FGF1: variants seen among roughly 807,000 people sequenced by gnomAD.
FGF1 encodes the protein fibroblast growth factor 1, also known as beta-endothelial cell growth factor.
Under a neutral mutation model 13.4 loss-of-function variants are expected in FGF1, and 9 were observed. That is an observed-to-expected ratio of 0.67 (90% confidence interval 0.40 to 1.17). The LOEUF (loss-of-function observed/expected upper bound fraction) is 1.17, where lower values mean the gene tolerates loss of function less well. Among genes scored for constraint, FGF1 ranks in the 50% most tolerant of loss-of-function variants. FGF1 has a pLI of 0.01. For missense variants in FGF1, 156 were observed against 192.7 expected, an observed-to-expected ratio of 0.81 and a Z score of 1.13; for synonymous variants, 93 against 79.0, an observed-to-expected ratio of 1.18 and a Z score of -0.94.
intron 2 of FGF1, among the ~76,000 whole-genome samples, chr5:142,694,114 T>G (rs1752710071): frequency 6.6e-6 from 1 of 151,724 alleles, no homozygotes; most frequent in Admixed American, 6.6e-5. Flanking sequence ...TATCTATCTA[T>G]CTATCTATCT....
chr5:142,614,092 C>G lies in FGF1; in HGVS notation c.36G>C (p.Leu12=). The G allele has an allele frequency of 6.2e-7, 1 of 1,614,224 alleles. No homozygotes were observed. The highest frequency in any genetic ancestry group is 8.5e-7 in the Non-Finnish European group (1 of 1,180,034). ...AEGEITTFTA[L]TEKFNLPPGN... ...CTGGAGGCAGATTAAACTTCTCGGT[C>G]AGGGCTGTGAAGGTGGTGATTTCCC... Residue 12 remains leucine (L), a synonymous_variant, in exon 2 of 4, where the codon CTG becomes CTC. Coordinates refer to ENST00000337706, the MANE Select transcript of FGF1 (RefSeq NM_000800.5).
At chr5:142,685,655 A>G (rs1287641580) in intron 1 of FGF1, 1 of 152,172 alleles carries the variant, frequency 6.6e-6, no homozygotes, top group Non-Finnish European at 1.5e-5. Context: ...GGCATGGTGC[A>G]TTCATATTTT....
upstream of FGF1, among the ~76,000 whole-genome samples, chr5:142,690,712 G>C (rs976509121): frequency 2.6e-5 from 4 of 152,188 alleles, no homozygotes; most frequent in African/African-American, 9.7e-5. Flanking sequence ...ATTTCAGAAG[G>C]AACCTGCTAA....
chr5:142,602,839 C>T (rs796533672), intron 2 of FGF1, among the ~76,000 whole-genome samples: 2 of 152,004 alleles, frequency 1.3e-5, no homozygotes, highest in South Asian at 4.1e-4. Context: ...ATTGTTTAAC[C>T]ATTTCTCTGT....
At chr5:142,649,947 A>G (rs115700246) in intron 1 of FGF1, among the ~76,000 whole-genome samples, 1,855 of 152,316 alleles carry the variant, frequency 0.012, 22 homozygotes, top group Non-Finnish European at 0.019. Context: ...GAGACATTTG[A>G]TCACATCTTG....
intron 3 of FGF1, among the ~76,000 whole-genome samples, chr5:142,598,128 G>A (rs1755690175): frequency 6.6e-6 from 1 of 152,220 alleles, no homozygotes; most frequent in African/African-American, 2.4e-5. Context: ...GGTAGAAGGA[G>A]GTAGACAGCT....
chr5:142,675,116 C>T (rs1561735587), intron 1 of FGF1, among the ~76,000 whole-genome samples: 1 of 152,192 alleles, frequency 6.6e-6, no homozygotes, highest in Non-Finnish European at 1.5e-5. Flanking sequence ...AAACGCTCCC[C>T]CCTGCGCCGC....
intron 1 of FGF1, 84 bp from the exon 2 acceptor site, chr5:142,614,245 G>T: frequency 9.2e-7 from 1 of 1,090,518 alleles, no homozygotes; most frequent in Non-Finnish European, 1.3e-6. Flanking sequence ...ACAGCTCCAG[G>T]GCACAGGGTT....
chr5:142,645,548 C>T (rs1248178146), intron 1 of FGF1, among the ~76,000 whole-genome samples: 1 of 152,168 alleles, frequency 6.6e-6, no homozygotes, highest in Non-Finnish European at 1.5e-5. Flanking sequence ...CCTCAAGTTC[C>T]TCATCTGTAA....
At chr5:142,669,662 G>A (rs922605713) in intron 1 of FGF1, among the ~76,000 whole-genome samples, 1 of 152,142 alleles carries the variant, frequency 6.6e-6, no homozygotes, top group Non-Finnish European at 1.5e-5. Flanking sequence ...TCGCTGTGGG[G>A]CGTGTCGCGG....
At chr5:142,638,468 A>T (rs889531542) in intron 1 of FGF1, among the ~76,000 whole-genome samples, 1 of 152,068 alleles carries the variant, frequency 6.6e-6, no homozygotes, top group African/African-American at 2.4e-5. Context: ...CATGTCTAGC[A>T]TAAGCCTGGC....
intron 1 of FGF1, among the ~76,000 whole-genome samples, chr5:142,678,071 G>A (rs1382804174): frequency 6.6e-6 from 1 of 152,114 alleles, no homozygotes; most frequent in South Asian, 2.1e-4. Flanking sequence ...GTCAGGAAAG[G>A]GCCTAGAACA....
At chr5:142,636,280 G>A (rs1764238316) in intron 1 of FGF1, among the ~76,000 whole-genome samples, 1 of 152,188 alleles carries the variant, frequency 6.6e-6, no homozygotes, top group South Asian at 2.1e-4. Flanking sequence ...GCCAGAAACC[G>A]GATCTCAAAA....
chr5:142,645,258 TCA>T (rs1223106918), intron 1 of FGF1, among the ~76,000 whole-genome samples: 4 of 152,172 alleles, frequency 2.6e-5, no homozygotes, highest in Non-Finnish European at 4.4e-5. Context: ...CTCTGAGCAC[TCA>T]CAGCCCTGGC....
intron 1 of FGF1, among the ~76,000 whole-genome samples, chr5:142,657,672 C>G (rs540083331): frequency 6.6e-6 from 1 of 152,364 alleles, no homozygotes; most frequent in African/African-American, 2.4e-5. Context: ...CTGCTGGCTG[C>G]GGCTGCGGCC....
intron 1 of FGF1, among the ~76,000 whole-genome samples, chr5:142,674,728 A>G (rs1329938378): frequency 6.6e-6 from 1 of 152,190 alleles, no homozygotes; most frequent in Non-Finnish European, 1.5e-5. Context: ...TCTGCAGTGT[A>G]TGAAAAGACT....
chr5:142,657,067 G>A (rs1186836720), intron 1 of FGF1, among the ~76,000 whole-genome samples: 1 of 149,434 alleles, frequency 6.7e-6, no homozygotes, highest in African/African-American at 2.6e-5. Context: ...ATAGGCATGT[G>A]CCACCACGCC....
intron 1 of FGF1, among the ~76,000 whole-genome samples, chr5:142,646,727 C>T (rs1030341035): frequency 2.6e-5 from 4 of 152,056 alleles, no homozygotes; most frequent in African/African-American, 7.2e-5. Flanking sequence ...CTCCTGACCT[C>T]GTGATCTACC....
At chr5:142,618,803 G>A (rs1259960696) in intron 1 of FGF1, among the ~76,000 whole-genome samples, 2 of 151,834 alleles carry the variant, frequency 1.3e-5, no homozygotes, top group Non-Finnish European at 2.9e-5. Flanking sequence ...AGTTATTTGC[G>A]AGGCCCATTA....
Sources: gnomAD v4.1 joint callset for allele counts (sites outside exome capture counted in the v4.1 genomes callset) on GRCh38, gnomAD v4.1.1 for gene constraint, MANE v1.5 for transcripts, NCBI Gene and HGNC (gene_info 2026-07-23, HGNC 2026-07-21) for gene names.